The following KCNH1 variants were observed in gnomAD, a reference collection of about 807,000 sequenced individuals.
KCNH1 encodes voltage-gated delayed rectifier potassium channel KCNH1.
KCNH1 carries 27 observed loss-of-function variants against 69.2 expected under a neutral mutation model. That is an observed-to-expected ratio of 0.39 (90% confidence interval 0.29 to 0.54). KCNH1 has a LOEUF of 0.54. Among genes scored for constraint, KCNH1 ranks in the 20% least tolerant of loss-of-function variants. The pLI, the probability that KCNH1 is intolerant of heterozygous loss-of-function variation, is 0.68. For missense variants in KCNH1, 798 were observed against 1,261.6 expected (o/e 0.63, Z 5.57); for synonymous variants, 456 against 487.7 (o/e 0.93, Z 0.86).
intron 6 of KCNH1, among the ~76,000 whole-genome samples, chr1:211,009,678 A>G (rs12026388): frequency 0.57 from 85,841 of 150,704 alleles, 25,262 homozygotes; most frequent in African/African-American, 0.73. Context: ...GTGCGATCTC[A>G]GCTCTCTGCA....
chr1:210,950,117 T>C (rs1239557889), intron 6 of KCNH1, among the ~76,000 whole-genome samples: 1 of 152,184 alleles, frequency 6.6e-6, no homozygotes, highest in African/African-American at 2.4e-5. Flanking sequence ...GGTAACAGCC[T>C]CTTCTTGGTC....
chr1:211,060,315 C>G (rs1439152847), intron 5 of KCNH1, among the ~76,000 whole-genome samples: 1 of 137,172 alleles, frequency 7.3e-6, no homozygotes, highest in Admixed American at 8.2e-5. Flanking sequence ...TATGATGCAT[C>G]TTATGAACCC....
chr1:210,731,908 TACCTC>T (rs1463894692), intron 10 of KCNH1, among the ~76,000 whole-genome samples: 1 of 152,126 alleles, frequency 6.6e-6, no homozygotes, highest in Non-Finnish European at 1.5e-5. Context: ...TCATGCCTCT[TACCTC>T]AACCATTTCT....
rs539655623 is a variant in KCNH1, at chr1:210,806,616, T to C, written c.1463-2450A>G. Among the ~76,000 whole-genome samples, 28 of 61,404 alleles carry C rather than the reference T, an allele frequency of 4.6e-4. 1 individual carries two copies. The South Asian group carries it at 0.015, about 34-fold the overall frequency. The allele number at this position is 61,404 out of a possible 152,430, so 40.3% of individuals were successfully genotyped here. A position where few individuals can be genotyped will look rare whatever the true frequency, so the allele number is the denominator to read the frequency against. On this transcript the variant is annotated intron_variant, in intron 7 of 10. Transcript: ENST00000271751. ...TTTGGTTTATTTGATTCAGCGTATT[T>C]TGGGATTCATCCATGTTACTGCATG...
chr1:210,836,698 A>G (rs537986612), intron 7 of KCNH1, among the ~76,000 whole-genome samples: 1 of 152,348 alleles, frequency 6.6e-6, no homozygotes, highest in South Asian at 2.1e-4. Context: ...CTGGGGTCTC[A>G]TAGGAGAGAG....
chr1:210,812,775 G>T (rs1021064572), intron 7 of KCNH1, among the ~76,000 whole-genome samples: 1 of 152,130 alleles, frequency 6.6e-6, no homozygotes, highest in African/African-American at 2.4e-5. Flanking sequence ...GTCTAAAAAG[G>T]CAGAGAAGGA....
At chr1:210,793,856 G>T (rs1413183624) in intron 9 of KCNH1, among the ~76,000 whole-genome samples, 1 of 152,190 alleles carries the variant, frequency 6.6e-6, no homozygotes, top group African/African-American at 2.4e-5. Context: ...TAGAATACCT[G>T]CATTCTTTCT....
At chr1:211,035,525 G>C (rs1347012162) in intron 5 of KCNH1, among the ~76,000 whole-genome samples, 1 of 151,952 alleles carries the variant, frequency 6.6e-6, no homozygotes, top group African/African-American at 2.4e-5. Context: ...TGGGATTACG[G>C]GTACTGGCAT....
Position 210,703,325 on chromosome 1 carries a change from GA to G in KCNH1, c.2113-19188del, listed in dbSNP as rs1431973189. ...AAATTTAAATGACTGGTAAGCATAT[GA>G]AAAAATACCACTCTTGAAATGTATC... On this transcript the variant is annotated intron_variant, in intron 10 of 10. Coordinates refer to ENST00000271751, the MANE Select transcript of KCNH1 (RefSeq NM_172362.3). Among the ~76,000 whole-genome samples the G allele has an allele frequency of 3.9e-5, 6 of 152,262 alleles. No individual in the cohort carries two copies. The East Asian group carries it at 1.2e-3, about 29-fold the overall frequency.
At chr1:210,832,500 T>C (rs1471846861) in intron 7 of KCNH1, among the ~76,000 whole-genome samples, 1 of 152,218 alleles carries the variant, frequency 6.6e-6, no homozygotes. Flanking sequence ...ATATCAGTTA[T>C]TCCTACATTA....
chr1:211,013,392 G>C (rs1421443949), intron 6 of KCNH1, among the ~76,000 whole-genome samples: 2 of 152,110 alleles, frequency 1.3e-5, no homozygotes, highest in East Asian at 1.9e-4. Context: ...AGTGACCTCA[G>C]GTTAGGGCCA....
chr1:210,752,698 G>C (rs1558454993), intron 10 of KCNH1, among the ~76,000 whole-genome samples: 1 of 152,166 alleles, frequency 6.6e-6, no homozygotes, highest in African/African-American at 2.4e-5. Context: ...GAGGAAATTA[G>C]AAAGAGGAAG....
Position 210,680,353 on chromosome 1 carries a change from T to C in KCNH1, c.*2928A>G, listed in dbSNP as rs1415833283. 2.3e-5 allele frequency: 3 copies of C among 129,886 alleles called. No individual in the cohort carries two copies. The highest frequency in any genetic ancestry group is 5.5e-5 in the Non-Finnish European group (3 of 54,334). The allele number at this position is 129,886 out of a possible 1,614,324, so 8.0% of individuals were successfully genotyped here. On this transcript the variant is annotated 3_prime_UTR_variant, in exon 11 of 11. Coordinates refer to ENST00000271751, the MANE Select transcript of KCNH1 (RefSeq NM_172362.3). ...CAAATAACCAGCACTTACTAGATAA[T>C]GGTGCCACATATCATGCCCCGACTC...
At chr1:210,983,511 C>A (rs1688758610) in intron 6 of KCNH1, among the ~76,000 whole-genome samples, 1 of 152,186 alleles carries the variant, frequency 6.6e-6, no homozygotes, top group African/African-American at 2.4e-5. Flanking sequence ...TTCCCAGCAC[C>A]ATTTATTAAA....
chr1:210,878,155 T>A (rs12121444), intron 7 of KCNH1, among the ~76,000 whole-genome samples: 2 of 151,978 alleles, frequency 1.3e-5, no homozygotes, highest in Non-Finnish European at 2.9e-5. Flanking sequence ...ACCCAAAAAC[T>A]GATAGGACTG....
chr1:211,037,785 C>T (rs1275583085), intron 5 of KCNH1, among the ~76,000 whole-genome samples: 1 of 152,062 alleles, frequency 6.6e-6, no homozygotes, highest in African/African-American at 2.4e-5. Flanking sequence ...GCTGTGTCCC[C>T]AACCAAATCT....
At chr1:210,970,170 CCT>C (rs1264439588) in intron 6 of KCNH1, among the ~76,000 whole-genome samples, 1 of 151,962 alleles carries the variant, frequency 6.6e-6, no homozygotes, top group African/African-American at 2.4e-5. Context: ...CATAGGTATA[CCT>C]GTGCCATGGT....
intron 10 of KCNH1, among the ~76,000 whole-genome samples, chr1:210,752,686 C>T (rs543309550): frequency 2.4e-4 from 36 of 151,884 alleles, no homozygotes; most frequent in African/African-American, 7.7e-4. Flanking sequence ...AGGAGGAGAA[C>T]GGAGGAAATT....
chr1:210,897,687 G>C lies in KCNH1; in HGVS notation c.1462+21953C>G, dbSNP rs531292046. On this transcript the variant is annotated intron_variant, in intron 7 of 10. Coordinates refer to ENST00000271751, the MANE Select transcript of KCNH1 (RefSeq NM_172362.3). The stretch of plus-strand genomic sequence containing the variant: ...CTCCCCTGCTCCAAGAAGGTACCAG[G>C]CCTTGCATGCTCACCTGCCTTTGGG... Among the ~76,000 whole-genome samples, 3 of 152,180 alleles carry C rather than the reference G, an allele frequency of 2.0e-5. No homozygotes were observed. In the South Asian group the frequency reaches 6.2e-4, roughly 32 times the overall value.
Sources: gnomAD v4.1 joint callset for allele counts (sites outside exome capture counted in the v4.1 genomes callset) on GRCh38, gnomAD v4.1.1 for gene constraint, MANE v1.5 for transcripts, NCBI Gene and HGNC (gene_info 2026-07-23, HGNC 2026-07-21) for gene names.